HMMR: variants seen among roughly 807,000 people sequenced by gnomAD.
The protein encoded by HMMR is intracellular hyaluronic acid-binding protein.
A neutral mutation model predicts 101.0 loss-of-function variants in HMMR; 108 were observed. The ratio of observed to expected loss-of-function variants is 1.07; its 90% CI spans 0.92 to 1.25. HMMR has a LOEUF of 1.25. Ranked by LOEUF, HMMR falls within the 50% of genes most tolerant of loss-of-function variation. The probability of loss-of-function intolerance (pLI) is 0.00; values close to 1 mark genes in which losing one functional copy is unlikely to be tolerated. For synonymous variants in HMMR, 296 were observed against 276.4 expected (o/e 1.07, Z -0.70); for missense variants, 813 against 788.7 (o/e 1.03, Z -0.37).
intron 5 of HMMR, 81 bp downstream of exon 5, chr5:163,469,910 G>T (rs1028373414): frequency 2.1e-6 from 2 of 954,622 alleles, no homozygotes; most frequent in Non-Finnish European, 3.1e-6. Context: ...GCTCACGCCT[G>T]TGTTCCCAGC....
intron 12 of HMMR, 148 bp from the exon 13 acceptor site, chr5:163,482,494 A>T (rs1302132297): frequency 3.3e-6 from 2 of 609,936 alleles, no homozygotes; most frequent in Non-Finnish European, 5.8e-6. Flanking sequence ...TTGCCTCAGA[A>T]CACTGAATTC....
chr5:163,490,936 T>C (rs1354973990), intron 17 of HMMR, among the ~76,000 whole-genome samples, 176 bp from the exon 18 acceptor site: 2 of 152,226 alleles, frequency 1.3e-5, no homozygotes, highest in Admixed American at 1.3e-4. Context: ...TGACTGTGAA[T>C]GTTTGTCTTT....
Position 163,460,642 on chromosome 5 carries a change from C to T in HMMR, c.-51C>T, listed in dbSNP as rs17061707. 0.047 allele frequency: 72,421 copies of T among 1,528,982 alleles called. 1,913 individuals carry two copies. Among genetic ancestry groups the T allele is most frequent in the East Asian group, 0.06 (2,584 of 42,940 alleles). 94.7% of individuals were successfully genotyped at this position (1,528,982 alleles called of 1,614,324 possible). A position where few individuals can be genotyped will look rare whatever the true frequency, so the allele number is the denominator to read the frequency against. On this transcript the variant is annotated 5_prime_UTR_variant, in exon 1 of 18. Transcript: ENST00000393915. The stretch of plus-strand genomic sequence containing the variant: ...CCGGTAGGGAGTGATAATCCGCATT[C>T]AGTTGTCGAGGAGTGCCAGTCACCT...
At chr5:163,469,601 C>A (rs1581190214) in intron 4 of HMMR, 40 bp from the exon 5 acceptor site, 1 of 1,533,796 alleles carries the variant, frequency 6.5e-7, no homozygotes, top group Non-Finnish European at 8.9e-7. Context: ...TGTTGGCATT[C>A]TATCAGTGAA....
At chr5:163,462,854 C>G (rs1171998890) in intron 1 of HMMR, among the ~76,000 whole-genome samples, 1 of 133,352 alleles carries the variant, frequency 7.5e-6, no homozygotes, top group Non-Finnish European at 1.6e-5. Context: ...AAAAAAAAAT[C>G]ATGAGTTCCT....
At chr5:163,475,430 A>G in intron 10 of HMMR, 28 bp from the exon 11 acceptor site, 2 of 1,369,060 alleles carry the variant, frequency 1.5e-6, no homozygotes, top group South Asian at 2.6e-5. Context: ...ATTCCAAATT[A>G]TTTTGGTGGT....
chr5:163,468,741 A>G lies in HMMR; in HGVS notation c.274-900A>G, dbSNP rs755222639. On this transcript the variant is annotated intron_variant, in intron 4 of 17. Coordinates refer to ENST00000393915, the MANE Select transcript of HMMR (RefSeq NM_001142556.2). ...CTGGTAAGTGAGTGGTAGAGCCAGG[A>G]TTAGAACTAATAATTTACACCAGTG... Among the ~76,000 whole-genome samples the G allele has an allele frequency of 2.6e-5, 4 of 152,160 alleles. No homozygotes were observed. In the East Asian group the frequency reaches 7.7e-4, roughly 29 times the overall value.
intron 12 of HMMR, among the ~76,000 whole-genome samples, chr5:163,481,970 C>T (rs1197778200): frequency 6.6e-6 from 1 of 152,102 alleles, no homozygotes; most frequent in Non-Finnish European, 1.5e-5. Flanking sequence ...GGCTGGAGTG[C>T]AATGGCACTA....
intron 3 of HMMR, among the ~76,000 whole-genome samples, chr5:163,465,900 G>A (rs1418175207): frequency 1.3e-5 from 2 of 150,242 alleles, no homozygotes; most frequent in Non-Finnish European, 2.9e-5. Context: ...GGCAGAGGTT[G>A]CAGTCAGCCA....
intron 10 of HMMR, chr5:163,474,650 G>C (rs576032392): frequency 1.1e-5 from 5 of 447,100 alleles, no homozygotes; most frequent in Non-Finnish European, 1.8e-5. Context: ...AGAAGTTCTG[G>C]CCTGTAAATA....
At chr5:163,475,374 C>A in intron 10 of HMMR, 84 bp from the exon 11 acceptor site, 1 of 678,300 alleles carries the variant, frequency 1.5e-6, no homozygotes, top group Non-Finnish European at 2.5e-6. Context: ...TTTCATCCTT[C>A]TTTATCTGTA....
At chr5:163,469,903 C>T (rs1758825887) in intron 5 of HMMR, 74 bp downstream of exon 5, 20 of 1,031,760 alleles carry the variant, frequency 1.9e-5, no homozygotes, top group South Asian at 3.2e-5. Context: ...CACGGTGGCT[C>T]ACGCCTGTGT....
intron 8 of HMMR, 52 bp downstream of exon 8, chr5:163,473,305 A>C: frequency 4.7e-6 from 7 of 1,485,422 alleles, no homozygotes; most frequent in Non-Finnish European, 6.5e-6. Flanking sequence ...ATACTCAGTC[A>C]TTTTCATCAT....
chr5:163,479,862 G>A (rs906985056), intron 12 of HMMR, among the ~76,000 whole-genome samples: 29 of 151,876 alleles, frequency 1.9e-4, no homozygotes, highest in Middle Eastern at 6.8e-3. Flanking sequence ...CACCTCCCAT[G>A]CCTTCTACTT....
chr5:163,480,591 T>G (rs2113498219), intron 12 of HMMR, among the ~76,000 whole-genome samples: 1 of 152,334 alleles, frequency 6.6e-6, no homozygotes, highest in South Asian at 2.1e-4. Flanking sequence ...CTCTAAAACT[T>G]AATATCAAAT....
Position 163,491,258 on chromosome 5 carries a change from A to ATTT in HMMR, c.*95_*97dup. On this transcript the variant is annotated 3_prime_UTR_variant, in exon 18 of 18. Coordinates refer to ENST00000393915, the MANE Select transcript of HMMR (RefSeq NM_001142556.2). ...TGACATGGGTATTTTATAATGTTGT[A>ATTT]TTTAATTTTAACTGCCAATCCTTAA... 1 of 680,592 alleles carries ATTT rather than the reference A, an allele frequency of 1.5e-6. No homozygotes were observed. Among genetic ancestry groups the ATTT allele is most frequent in the African/African-American group, 1.9e-5 (1 of 53,300 alleles). 42.2% of individuals were successfully genotyped at this position (680,592 alleles called of 1,614,324 possible). A position where few individuals can be genotyped will look rare whatever the true frequency, so the allele number is the denominator to read the frequency against.
At chr5:163,485,374 T>C (rs948201545) in intron 16 of HMMR, among the ~76,000 whole-genome samples, 1 of 152,224 alleles carries the variant, frequency 6.6e-6, no homozygotes, top group Non-Finnish European at 1.5e-5. Flanking sequence ...CTAGCCATTG[T>C]AGTGGGTATG....
intron 11 of HMMR, among the ~76,000 whole-genome samples, chr5:163,476,173 T>C (rs571875698): frequency 2.0e-5 from 3 of 151,626 alleles, no homozygotes; most frequent in African/African-American, 7.3e-5. Context: ...AAAAACTAGC[T>C]GGGCACGGTG....
chr5:163,486,847 G>C (rs746734218), intron 16 of HMMR, among the ~76,000 whole-genome samples: 4 of 152,232 alleles, frequency 2.6e-5, no homozygotes, highest in Non-Finnish European at 5.9e-5. Flanking sequence ...GGGAGGCCAA[G>C]GCAGGTGGAT....
Sources: gnomAD v4.1 joint callset for allele counts (sites outside exome capture counted in the v4.1 genomes callset) on GRCh38, gnomAD v4.1.1 for gene constraint, MANE v1.5 for transcripts, NCBI Gene and HGNC (gene_info 2026-07-23, HGNC 2026-07-21) for gene names.